PIK3CB: variants seen among roughly 807,000 people sequenced by gnomAD.
The protein encoded by PIK3CB is phosphatidylinositol-4,5-bisphosphate 3-kinase catalytic subunit beta, also known as phosphatidylinositol 4,5-bisphosphate 3-kinase catalytic subunit beta isoform.
A neutral mutation model predicts 136.8 loss-of-function variants in PIK3CB; 39 were observed. That is an observed-to-expected ratio of 0.29 (90% confidence interval 0.22 to 0.37). The LOEUF (loss-of-function observed/expected upper bound fraction) is 0.37. Ranked by LOEUF, PIK3CB falls within the 10% of genes least tolerant of loss-of-function variation. The pLI is 1.00. For missense variants in PIK3CB, 868 were observed against 1,275.4 expected, an observed-to-expected ratio of 0.68 and a Z score of 4.87; for synonymous variants, 428 against 436.6, an observed-to-expected ratio of 0.98 and a Z score of 0.25.
At chr3:138,797,538 T>G (rs2046122454) in intron 1 of PIK3CB, among the ~76,000 whole-genome samples, 1 of 152,138 alleles carries the variant, frequency 6.6e-6, no homozygotes, top group African/African-American at 2.4e-5. Flanking sequence ...TGTCTTTTGA[T>G]GAAGATGAAT....
At chr3:138,662,599 T>C (rs2043319960) in intron 21 of PIK3CB, among the ~76,000 whole-genome samples, 1 of 149,762 alleles carries the variant, frequency 6.7e-6, no homozygotes, top group Non-Finnish European at 1.5e-5. Context: ...TATAGCAGCA[T>C]GATTTATAGT....
At chr3:138,716,713 T>C (rs1047445121) in intron 8 of PIK3CB, among the ~76,000 whole-genome samples, 4 of 151,268 alleles carry the variant, frequency 2.6e-5, no homozygotes, top group African/African-American at 9.7e-5. Flanking sequence ...CTGGCCAACA[T>C]GGTGGAACAC....
intron 16 of PIK3CB, among the ~76,000 whole-genome samples, chr3:138,688,111 T>C (rs2043930942): frequency 6.6e-6 from 1 of 152,128 alleles, no homozygotes; most frequent in African/African-American, 2.4e-5. Context: ...ATCCTAAATA[T>C]TAAAAACACC....
At chr3:138,678,474 A>C (rs2043695426) in intron 19 of PIK3CB, among the ~76,000 whole-genome samples, 1 of 152,186 alleles carries the variant, frequency 6.6e-6, no homozygotes, top group Non-Finnish European at 1.5e-5. Flanking sequence ...GAGAAAAAGG[A>C]CAAAAACAAG....
intron 2 of PIK3CB, among the ~76,000 whole-genome samples, chr3:138,784,608 T>C (rs1317706162): frequency 1.3e-5 from 2 of 152,152 alleles, no homozygotes; most frequent in Non-Finnish European, 2.9e-5. Context: ...TTTTGTATTT[T>C]TTGGTGGAGA....
chr3:138,665,878 C>T (rs947284710), intron 19 of PIK3CB, among the ~76,000 whole-genome samples: 1 of 152,156 alleles, frequency 6.6e-6, no homozygotes, highest in African/African-American at 2.4e-5. Context: ...GCAGCAAAAG[C>T]AATACGACAT....
At chr3:138,745,099 G>A (rs1576380190) in intron 4 of PIK3CB, among the ~76,000 whole-genome samples, 2 of 152,152 alleles carry the variant, frequency 1.3e-5, no homozygotes, top group Admixed American at 6.5e-5. Context: ...CTATATGAAC[G>A]ATGGCATCTT....
intron 21 of PIK3CB, among the ~76,000 whole-genome samples, chr3:138,662,005 T>A (rs1455426592): frequency 6.6e-6 from 1 of 152,060 alleles, no homozygotes; most frequent in Non-Finnish European, 1.5e-5. Context: ...ATGCTATTAC[T>A]CACACGACTG....
At chr3:138,666,888 G>A (rs1460956050) in intron 19 of PIK3CB, among the ~76,000 whole-genome samples, 1 of 152,118 alleles carries the variant, frequency 6.6e-6, no homozygotes, top group African/African-American at 2.4e-5. Context: ...GAAGTGCCAG[G>A]AGAACATGGC....
intron 14 of PIK3CB, among the ~76,000 whole-genome samples, chr3:138,693,949 AT>A (rs1320261372): frequency 2.7e-5 from 1 of 37,296 alleles, no homozygotes; most frequent in Non-Finnish European, 4.1e-5. Flanking sequence ...ATATATATAT[AT>A]ATATATATAT....
At chr3:138,793,709 T>C (rs564995435) in intron 2 of PIK3CB, among the ~76,000 whole-genome samples, 13 of 151,044 alleles carry the variant, frequency 8.6e-5, no homozygotes, top group African/African-American at 2.7e-4. Context: ...ATGAGGACCA[T>C]AGTGTCATGA....
intron 2 of PIK3CB, among the ~76,000 whole-genome samples, chr3:138,765,036 TAAG>T (rs567007325): frequency 5.3e-4 from 80 of 152,156 alleles, no homozygotes; most frequent in Non-Finnish European, 9.8e-4. Flanking sequence ...ACAGAATTTG[TAAG>T]AAGGAGGCCG....
Position 138,820,992 on chromosome 3 carries a change from AAG to A in PIK3CB, c.-122+13701_-122+13702del, listed in dbSNP as rs565211032. Among the ~76,000 whole-genome samples the A allele has an allele frequency of 5.0e-3, 759 of 152,302 alleles. 6 individuals carry two copies. The highest frequency in any genetic ancestry group is 0.018 in the African/African-American group (728 of 41,574). ...ATACCAATAGGATAATGCCTACAAA[AAG>A]AATTAATGGGGGCTGGGCACGGTGG... On this transcript the variant is annotated intron_variant, in intron 1 of 23. Transcript: ENST00000674063.
At chr3:138,787,827 G>A (rs111611277) in intron 2 of PIK3CB, among the ~76,000 whole-genome samples, 3,706 of 151,482 alleles carry the variant, frequency 0.024, 154 homozygotes, top group African/African-American at 0.086. Context: ...CATGGACACG[G>A]TCCCTGAAGC....
At chr3:138,764,046 G>A (rs1384160013) in intron 2 of PIK3CB, among the ~76,000 whole-genome samples, 2 of 151,604 alleles carry the variant, frequency 1.3e-5, no homozygotes, top group African/African-American at 4.9e-5. Context: ...GGGAGGCGGA[G>A]GTTGCAGTGA....
intron 1 of PIK3CB, among the ~76,000 whole-genome samples, chr3:138,802,400 A>C (rs2108844584): frequency 6.6e-6 from 1 of 151,588 alleles, no homozygotes; most frequent in Middle Eastern, 3.4e-3. Flanking sequence ...GAAAGAAAGA[A>C]AGAAAAGGGA....
intron 22 of PIK3CB, 96 bp from the exon 23 acceptor site, chr3:138,656,370 T>C: frequency 7.6e-7 from 1 of 1,311,652 alleles, no homozygotes. Context: ...GACTTTCTAT[T>C]AGAATAAGAA....
intron 2 of PIK3CB, among the ~76,000 whole-genome samples, chr3:138,760,354 C>T (rs527906388): frequency 1.3e-5 from 2 of 152,284 alleles, no homozygotes. Flanking sequence ...CATCACTCTA[C>T]AGCCCGAGAC....
chr3:138,809,918 C>T (rs1932931207), intron 1 of PIK3CB, among the ~76,000 whole-genome samples: 1 of 152,000 alleles, frequency 6.6e-6, no homozygotes, highest in African/African-American at 2.4e-5. Context: ...GGACCAGTTC[C>T]CTTGGAGAAA....
Sources: allele counts gnomAD v4.1 joint callset (sites outside exome capture counted in the v4.1 genomes callset), GRCh38; gene constraint gnomAD v4.1.1; transcripts MANE v1.5; gene names NCBI Gene and HGNC (gene_info 2026-07-23, HGNC 2026-07-21).